ABR: variants seen among roughly 807,000 people sequenced by gnomAD.
The protein encoded by ABR is active breakpoint cluster region-related protein.
In ABR, 35 loss-of-function variants were observed where a neutral mutation model predicts 107.2. The ratio of observed to expected loss-of-function variants is 0.33; its 90% confidence interval spans 0.25 to 0.43. ABR has a LOEUF of 0.43. ABR is among the 20% of genes least tolerant of loss of function. The pLI, the probability that ABR is intolerant of heterozygous loss-of-function variation, is 1.00. For missense variants in ABR, 815 were observed against 1,115.2 expected, an observed-to-expected ratio of 0.73 and a Z score of 3.83; for synonymous variants, 498 against 462.0, an observed-to-expected ratio of 1.08 and a Z score of -1.00.
rs1567873692 is a variant in ABR, at chr17:1,185,670, A to AT, written c.-78+1129_-78+1130insA. Among the ~76,000 whole-genome samples the AT allele has an allele frequency of 3.0e-4, 45 of 149,700 alleles. No individual in the cohort carries two copies. In the East Asian group the frequency reaches 4.1e-3, roughly 14 times the overall value. The stretch of plus-strand genomic sequence containing the variant: ...AGAAAGAAATAAAAAAAAAAAAAAA[A>AT]AAAAAAAAAAGAAGGTATGTGCCCA... On this transcript the variant is annotated intron_variant, in intron 1 of 22. Coordinates refer to the ABR transcript ENST00000544583.
chr17:1,204,401 C>T (rs1360026848), intron 1 of ABR, among the ~76,000 whole-genome samples: 3 of 151,954 alleles, frequency 2.0e-5, no homozygotes, highest in African/African-American at 4.8e-5. Flanking sequence ...GCCGAGATTG[C>T]GCCACTGCGC....
intron 1 of ABR, among the ~76,000 whole-genome samples, chr17:1,227,305 TG>T (rs1472741554): frequency 2.0e-5 from 3 of 152,082 alleles, no homozygotes; most frequent in Non-Finnish European, 4.4e-5. Context: ...GATGTGGGTC[TG>T]GGGGGAGACA....
At chr17:1,102,121 C>T (rs1358272734) in intron 2 of ABR, among the ~76,000 whole-genome samples, 5 of 152,106 alleles carry the variant, frequency 3.3e-5, no homozygotes, top group African/African-American at 4.8e-5. Context: ...TGCAGTGGCC[C>T]GGATGCCCGT....
chr17:1,127,037 C>T (rs980032278), intron 1 of ABR, among the ~76,000 whole-genome samples: 2 of 152,218 alleles, frequency 1.3e-5, no homozygotes, highest in Non-Finnish European at 2.9e-5. Context: ...AACAGGTCAC[C>T]GGGACGCCTG....
At chr17:1,115,594 A>G (rs565805413) in intron 2 of ABR, among the ~76,000 whole-genome samples, 20 of 152,366 alleles carry the variant, frequency 1.3e-4, no homozygotes, top group Admixed American at 9.1e-4. Context: ...GTTCTAGTAC[A>G]GGTCACTCCA....
Position 1,058,064 on chromosome 17 carries a change from C to A in ABR, c.1306-19G>T, listed in dbSNP as rs2260448. On this transcript the variant is annotated intron_variant, in intron 11 of 22. Transcript: ENST00000302538. ...GGTAACTCTGAAGAGAGGAGATAAG[C>A]ATAAAGTGGGTGACCACAGTCAGGC... is the stretch of plus-strand genomic sequence containing the variant. 1,221,242 of 1,606,982 alleles carry A rather than the reference C, an allele frequency of 0.76. 467,087 individuals are homozygous for A. The highest frequency in any genetic ancestry group is 0.97 in the East Asian group (43,535 of 44,754).
intron 16 of ABR, among the ~76,000 whole-genome samples, chr17:1,047,773 G>A (rs1163933724): frequency 6.6e-6 from 1 of 152,096 alleles, no homozygotes; most frequent in Non-Finnish European, 1.5e-5. Context: ...ATCTGCTCCT[G>A]TCTCCAAGAG....
chr17:1,045,455 C>T (rs1002115491), intron 16 of ABR, among the ~76,000 whole-genome samples: 1 of 149,962 alleles, frequency 6.7e-6, no homozygotes, highest in South Asian at 2.1e-4. Context: ...GACAATCTTC[C>T]GTCTTCTTAC....
At chr17:1,072,834 T>C in intron 7 of ABR, 80 bp from the exon 8 acceptor site, 1 of 1,481,926 alleles carries the variant, frequency 6.7e-7, no homozygotes, top group African/African-American at 1.4e-5. Flanking sequence ...TCAGTCCCCA[T>C]CCAAAGGGTG....
rs1292349418 is a variant in ABR, at chr17:1,119,539, G to A, written c.246+5644C>T. On this transcript the variant is annotated intron_variant, in intron 2 of 22. Coordinates refer to ENST00000302538, the MANE Select transcript of ABR (RefSeq NM_021962.5). ...TGAGTTCTTCCCAGCGTTATTGCCT[G>A]AGCCTTCCTTGCTCCTCCCTTCCTC... 4.7e-5 allele frequency among the ~76,000 whole-genome samples: 3 copies of A among 63,718 alleles called. No individual in the cohort carries two copies. The East Asian group carries it at 2.7e-3, about 57-fold the overall frequency. The allele number at this position is 63,718 out of a possible 152,430, so 41.8% of individuals were successfully genotyped here.
At position 1,019,547 on chromosome 17, in the gene ABR, G is replaced by A. The variant is rs1022291034; in HGVS notation, c.1792-6383C>T. Among the ~76,000 whole-genome samples, 5 of 151,718 alleles carry A rather than the reference G, an allele frequency of 3.3e-5. No homozygotes were observed. The South Asian group carries it at 8.3e-4, about 25-fold the overall frequency. On this transcript the variant is annotated intron_variant, in intron 16 of 22. Coordinates refer to ENST00000302538, the MANE Select transcript of ABR (RefSeq NM_021962.5). ...CTCAGAGAGGCCTGCCTGGCCCCAC[G>A]GTGCCCTGACAACGACGCTCTGTTT...
chr17:1,117,707 G>A (rs113657970), intron 2 of ABR, among the ~76,000 whole-genome samples: 1 of 62,036 alleles, frequency 1.6e-5, no homozygotes, highest in Non-Finnish European at 3.2e-5. Context: ...CCTCCCCAGC[G>A]TTATCCCTGA....
chr17:1,022,498 A>C (rs1344478080), intron 16 of ABR: 2 of 154,184 alleles, frequency 1.3e-5, no homozygotes, highest in Non-Finnish European at 1.5e-5. Context: ...TCCCTCGAGG[A>C]GGCGCCGGAG....
intron 16 of ABR, among the ~76,000 whole-genome samples, chr17:1,046,091 G>A (rs889809274): frequency 1.3e-4 from 20 of 151,888 alleles, no homozygotes; most frequent in African/African-American, 4.4e-4. Context: ...GGCTGGTTTC[G>A]AACTCCTGAC....
At chr17:1,116,651 C>A (rs2039001106) in intron 2 of ABR, among the ~76,000 whole-genome samples, 2 of 152,216 alleles carry the variant, frequency 1.3e-5, no homozygotes, top group African/African-American at 4.8e-5. Context: ...AACCAAGGCA[C>A]TAGTCTACCT....
At chr17:1,067,335 G>A in intron 9 of ABR, 93 bp from the exon 10 acceptor site, 2 of 1,243,650 alleles carry the variant, frequency 1.6e-6, no homozygotes, top group Non-Finnish European at 2.2e-6. Flanking sequence ...CACTGACAGG[G>A]GTTGACTGAG....
chr17:1,038,971 C>T (rs2073406113), intron 16 of ABR, among the ~76,000 whole-genome samples: 1 of 152,230 alleles, frequency 6.6e-6, no homozygotes, highest in African/African-American at 2.4e-5. Flanking sequence ...GCTTTCGCCT[C>T]GGCGAGTTCG....
chr17:1,067,340 A>C lies in ABR; in HGVS notation c.1017-98T>G, dbSNP rs2034838651. The C allele has an allele frequency of 2.5e-6, 3 of 1,204,882 alleles. No individual in the cohort carries two copies. The South Asian group carries it at 4.8e-5, about 19-fold the overall frequency. The allele number at this position is 1,204,882 out of a possible 1,614,324, so 74.6% of individuals were successfully genotyped here. On this transcript the variant is annotated intron_variant, in intron 9 of 22. Coordinates refer to ENST00000302538, the MANE Select transcript of ABR (RefSeq NM_021962.5). Reference sequence around the variant, plus strand: ...ACCACAGAACCACTGACAGGGGTTGACTGAGAACTCGCCAGAAGCAAGAAC... The same window carrying C: ...ACCACAGAACCACTGACAGGGGTTGCCTGAGAACTCGCCAGAAGCAAGAAC...
intron 21 of ABR, among the ~76,000 whole-genome samples, chr17:1,008,618 G>A (rs985374530): frequency 1.3e-5 from 2 of 152,224 alleles, no homozygotes; most frequent in African/African-American, 4.8e-5. Flanking sequence ...AATGTTTCAT[G>A]ATGGGAAAAA....
Sources: allele counts gnomAD v4.1 joint callset (sites outside exome capture counted in the v4.1 genomes callset), GRCh38; gene constraint gnomAD v4.1.1; transcripts MANE v1.5; gene names NCBI Gene and HGNC (gene_info 2026-07-23, HGNC 2026-07-21).